Variants in LRBA observed in about 807,000 individuals in gnomAD.
The protein encoded by LRBA is LPS responsive beige-like anchor protein.
Under a neutral mutation model 330.0 loss-of-function variants are expected in LRBA, and 176 were observed. The ratio of observed to expected loss-of-function variants is 0.53; its 90% confidence interval spans 0.47 to 0.60. The LOEUF is 0.60. Ranked by LOEUF, LRBA falls within the 20% of genes least tolerant of loss-of-function variation. LRBA has a pLI of 0.00. For missense variants in LRBA, 3,259 were observed against 3,444.8 expected, an observed-to-expected ratio of 0.95 and a Z score of 1.35; for synonymous variants, 1,230 against 1,193.0, an observed-to-expected ratio of 1.03 and a Z score of -0.64.
intron 40 of LRBA, among the ~76,000 whole-genome samples, chr4:150,551,616 C>T (rs1019318158): frequency 4.6e-5 from 7 of 151,830 alleles, no homozygotes; most frequent in African/African-American, 1.7e-4. Context: ...TGCAGTAAGC[C>T]ATGATCATGT....
chr4:150,924,900 G>T (rs1341110423), intron 4 of LRBA, among the ~76,000 whole-genome samples: 2 of 151,754 alleles, frequency 1.3e-5, no homozygotes, highest in Admixed American at 6.6e-5. Flanking sequence ...ATAATGTTTG[G>T]GGCTGAGTGT....
chr4:150,668,368 C>G, intron 37 of LRBA, among the ~76,000 whole-genome samples: 1 of 152,164 alleles, frequency 6.6e-6, no homozygotes, highest in East Asian at 1.9e-4. Flanking sequence ...ATCTCACAGT[C>G]AGTCTGAGAA....
At chr4:150,967,271 C>T (rs1739010918) in intron 2 of LRBA, among the ~76,000 whole-genome samples, 2 of 152,152 alleles carry the variant, frequency 1.3e-5, no homozygotes, top group African/African-American at 4.8e-5. Flanking sequence ...TTCTCATCAC[C>T]TACAGAATAA....
intron 49 of LRBA, among the ~76,000 whole-genome samples, chr4:150,323,591 G>A (rs1197406462): frequency 6.6e-6 from 1 of 152,220 alleles, no homozygotes; most frequent in Non-Finnish European, 1.5e-5. Context: ...CAGACACCAT[G>A]TCCAGAAATG....
intron 44 of LRBA, among the ~76,000 whole-genome samples, chr4:150,457,493 T>C (rs970297107): frequency 6.6e-6 from 1 of 151,912 alleles, no homozygotes; most frequent in African/African-American, 2.4e-5. Context: ...TAAAATATAT[T>C]TATTACATTA....
Position 150,844,067 on chromosome 4 carries a change from AAG to A in LRBA, c.4569+31_4569+32del, listed in dbSNP as rs761039759. The A allele has an allele frequency of 1.6e-4, 206 of 1,313,822 alleles. 2 individuals are homozygous for A. The East Asian group carries it at 4.6e-3, about 29-fold the overall frequency. 81.4% of individuals were successfully genotyped at this position (1,313,822 alleles called of 1,614,324 possible). ...GCCTAAGAGGAAATATGCATCAGTT[AAG>A]AGAGTATGTGAAAGACATATTGTAA... On this transcript the variant is annotated intron_variant, in intron 28 of 56. Coordinates refer to ENST00000651943, the MANE Select transcript of LRBA (RefSeq NM_001364905.1).
intron 56 of LRBA, among the ~76,000 whole-genome samples, chr4:150,272,358 A>G (rs1207910929): frequency 6.6e-6 from 1 of 152,186 alleles, no homozygotes; most frequent in Non-Finnish European, 1.5e-5. Context: ...ATAAATCCAC[A>G]AAAATGGGGA....
chr4:150,719,365 A>T (rs1728635126), intron 36 of LRBA, among the ~76,000 whole-genome samples: 1 of 152,102 alleles, frequency 6.6e-6, no homozygotes, highest in Non-Finnish European at 1.5e-5. Flanking sequence ...TAGTTACAAC[A>T]AAGAAAGCAT....
Position 150,683,647 on chromosome 4 carries a change from G to A in LRBA, c.5825C>T (p.Ala1942Val), listed in dbSNP as rs1783249483. ...TGCTGTCACGTGGTCACGATATTTT[G>A]CTGCTCTTATCAAATGATCACACAT... ...EKMCDHLIRA[A>V]KYRDHVTATQ... Residue 1942 changes from alanine (A) to valine (V), a missense_variant, in exon 37 of 57, where the codon GCA becomes GTA. By Grantham distance (64) the Ala-to-Val change is moderately conservative. Transcript: ENST00000651943. 1 of 1,613,336 alleles carries A rather than the reference G, an allele frequency of 6.2e-7. No individual in the cohort carries two copies. The highest frequency in any genetic ancestry group is 1.3e-5 in the African/African-American group (1 of 74,920).
intron 40 of LRBA, among the ~76,000 whole-genome samples, chr4:150,564,362 C>T (rs1561359642): frequency 6.6e-6 from 1 of 152,282 alleles, no homozygotes; most frequent in African/African-American, 2.4e-5. Context: ...GGATCCCTTC[C>T]TTATCCCTCA....
chr4:150,639,843 A>G (rs370533490), intron 37 of LRBA, among the ~76,000 whole-genome samples: 1,354 of 53,886 alleles, frequency 0.025, 204 homozygotes, highest in African/African-American at 0.094. Context: ...ATATATATAT[A>G]TATATATATA....
At chr4:150,579,767 G>GC (rs1771019724) in intron 40 of LRBA, 1 of 454,842 alleles carries the variant, frequency 2.2e-6, no homozygotes, top group Non-Finnish European at 4.4e-6. Flanking sequence ...GCGGCGCGGC[G>GC]GCGGAGCCAT....
At position 150,370,757 on chromosome 4, in the gene LRBA, G is replaced by C. The variant is rs535553804; in HGVS notation, c.7195-20598C>G. On this transcript the variant is annotated intron_variant, in intron 47 of 56. Coordinates refer to ENST00000651943, the MANE Select transcript of LRBA (RefSeq NM_001364905.1). The stretch of plus-strand genomic sequence containing the variant: ...AGATGTTAATAATATGGTGTACTGA[G>C]ATGAGGAATAGTAAGAGGTATATAT... 2.6e-5 allele frequency among the ~76,000 whole-genome samples: 4 copies of C among 152,300 alleles called. No homozygotes were observed. In the East Asian group the frequency reaches 7.7e-4, roughly 29 times the overall value.
chr4:150,735,209 A>C (rs531138774), intron 36 of LRBA, 49 bp downstream of exon 36: 94 of 1,298,450 alleles, frequency 7.2e-5, no homozygotes, highest in Non-Finnish European at 9.9e-5. Flanking sequence ...TCTCATGATT[A>C]TCATTAAAAA....
intron 35 of LRBA, among the ~76,000 whole-genome samples, chr4:150,745,640 T>A (rs1234711805): frequency 1.3e-5 from 2 of 152,024 alleles, no homozygotes; most frequent in East Asian, 3.9e-4. Flanking sequence ...CTCAGCCTCC[T>A]GAGTAGCTGG....
chr4:150,835,232 G>A (rs1264023251), intron 28 of LRBA, among the ~76,000 whole-genome samples: 2 of 152,172 alleles, frequency 1.3e-5, no homozygotes, highest in East Asian at 3.8e-4. Flanking sequence ...TTGAAGTCAG[G>A]TAGTGTGATG....
chr4:150,845,496 C>A (rs918181488), intron 26 of LRBA, among the ~76,000 whole-genome samples: 1 of 152,086 alleles, frequency 6.6e-6, no homozygotes, highest in Non-Finnish European at 1.5e-5. Flanking sequence ...ACATTATGTA[C>A]CCTTCACTAT....
chr4:150,278,834 T>C (rs11723582), intron 55 of LRBA, among the ~76,000 whole-genome samples: 133 of 147,494 alleles, frequency 9.0e-4, no homozygotes, highest in South Asian at 2.5e-3. Context: ...TTTTTTTTTT[T>C]CCCCCCTCGA....
intron 2 of LRBA, among the ~76,000 whole-genome samples, chr4:150,976,549 TTTA>T (rs1250146332): frequency 1.3e-5 from 2 of 152,236 alleles, no homozygotes; most frequent in African/African-American, 4.8e-5. Context: ...GTTACTAATC[TTTA>T]TTAAGTTATT....
Sources: gnomAD v4.1 joint callset for allele counts (sites outside exome capture counted in the v4.1 genomes callset) on GRCh38, gnomAD v4.1.1 for gene constraint, MANE v1.5 for transcripts, NCBI Gene and HGNC (gene_info 2026-07-23, HGNC 2026-07-21) for gene names.